CDH18: variants seen among roughly 807,000 people sequenced by gnomAD.
CDH18 encodes the protein cadherin-18.
Under a neutral mutation model 67.9 loss-of-function variants are expected in CDH18, and 31 were observed. That is an observed-to-expected ratio of 0.46 (90% CI 0.34 to 0.62). CDH18 has a LOEUF of 0.62. Ranked by LOEUF, CDH18 falls within the 20% of genes least tolerant of loss-of-function variation. The pLI is 0.01. For missense variants in CDH18, 890 were observed against 975.5 expected, an observed-to-expected ratio of 0.91 and a Z score of 1.17; for synonymous variants, 362 against 347.2, an observed-to-expected ratio of 1.04 and a Z score of -0.48.
chr5:20,215,306 T>C (rs1375992191), intron 2 of CDH18, among the ~76,000 whole-genome samples: 4 of 151,906 alleles, frequency 2.6e-5, no homozygotes, highest in Admixed American at 6.6e-5. Context: ...TTCAGGTATA[T>C]ATACAATAAA....
At chr5:20,356,506 A>C (rs188526067) in intron 1 of CDH18, among the ~76,000 whole-genome samples, 1 of 152,306 alleles carries the variant, frequency 6.6e-6, no homozygotes, top group Admixed American at 6.5e-5. Context: ...TTAGAAATTC[A>C]TCTGACTAGA....
At chr5:20,279,022 T>C (rs1746019227) in intron 1 of CDH18, among the ~76,000 whole-genome samples, 1 of 151,374 alleles carries the variant, frequency 6.6e-6, no homozygotes, top group Admixed American at 6.6e-5. Context: ...AGAAAACAAA[T>C]AACAAAATAG....
chr5:19,472,491 A>T lies in CDH18; in HGVS notation c.*735T>A, dbSNP rs539681065. ...CTTAAACTATTCTTTCTGTCCATTT[A>T]AAAATAGGAGTATCCCATTAAAATA... On this transcript the variant is annotated 3_prime_UTR_variant, in exon 13 of 13. Transcript: ENST00000382275. 4.6e-5 allele frequency among the ~76,000 whole-genome samples: 7 copies of T among 152,280 alleles called. No individual in the cohort carries two copies. The highest frequency in any genetic ancestry group is 1.4e-4 in the African/African-American group (6 of 41,570).
At chr5:19,713,907 A>G (rs905528429) in intron 5 of CDH18, among the ~76,000 whole-genome samples, 3 of 152,110 alleles carry the variant, frequency 2.0e-5, no homozygotes, top group African/African-American at 7.2e-5. Context: ...GAAAGTAATG[A>G]AAGTATTCTC....
intron 2 of CDH18, among the ~76,000 whole-genome samples, chr5:20,152,846 G>A (rs1477608757): frequency 3.3e-5 from 5 of 151,040 alleles, no homozygotes; most frequent in African/African-American, 7.3e-5. Flanking sequence ...ACGAAAAGTT[G>A]TTTACTGATC....
At chr5:19,911,544 C>T (rs767556347) in intron 2 of CDH18, among the ~76,000 whole-genome samples, 23 of 151,852 alleles carry the variant, frequency 1.5e-4, no homozygotes, top group Non-Finnish European at 3.1e-4. Context: ...GAGGTTATGA[C>T]GGTGATGTTC....
At chr5:20,006,776 A>C (rs893762637) in intron 2 of CDH18, among the ~76,000 whole-genome samples, 3 of 152,026 alleles carry the variant, frequency 2.0e-5, no homozygotes, top group Non-Finnish European at 4.4e-5. Flanking sequence ...TGTTTAATAC[A>C]TTAATTTTAT....
rs35296920 is a variant in CDH18, at chr5:19,841,571, C to CAA, written c.-256-2331_-256-2330dup. Among the ~76,000 whole-genome samples, 1,063 of 137,050 alleles carry CAA rather than the reference C, an allele frequency of 7.8e-3. 9 individuals are homozygous for CAA. The highest frequency in any genetic ancestry group is 0.011 in the East Asian group (53 of 4,658). The allele number at this position is 137,050 out of a possible 152,430, so 89.9% of individuals were successfully genotyped here. ...TTCTTAATTTTCAAATCATGAATTTCAAAAAAAAAAAAAGGAAACTTTATC... is the reference window on the plus strand; with the variant it reads ...TTCTTAATTTTCAAATCATGAATTTCAAAAAAAAAAAAAAAGGAAACTTTATC... On this transcript the variant is annotated intron_variant, in intron 2 of 12. Transcript: ENST00000382275.
intron 2 of CDH18, among the ~76,000 whole-genome samples, chr5:20,247,751 G>A (rs899197632): frequency 1.5e-5 from 2 of 137,504 alleles, no homozygotes; most frequent in Non-Finnish European, 1.6e-5. Flanking sequence ...CCAACTGAGC[G>A]AGACCATCAA....
intron 2 of CDH18, among the ~76,000 whole-genome samples, chr5:20,105,776 C>T (rs907848632): frequency 6.6e-6 from 1 of 152,142 alleles, no homozygotes; most frequent in Non-Finnish European, 1.5e-5. Flanking sequence ...GAATGACATT[C>T]CATTGTATGC....
intron 2 of CDH18, among the ~76,000 whole-genome samples, chr5:20,012,589 C>T (rs1737546637): frequency 6.6e-6 from 1 of 151,890 alleles, no homozygotes. Flanking sequence ...ACAAAGAGAA[C>T]TAAATACAAA....
In CDH18 at chr5:19,861,185, T is replaced by C. The variant is rs928095671; in HGVS notation, c.-256-21943A>G. Among the ~76,000 whole-genome samples the C allele has an allele frequency of 1.1e-3, 163 of 152,314 alleles. 1 individual carries two copies. The highest frequency in any genetic ancestry group is 2.1e-4 in the Non-Finnish European group (14 of 68,028). On this transcript the variant is annotated intron_variant, in intron 2 of 12. Coordinates refer to ENST00000382275, the MANE Select transcript of CDH18 (RefSeq NM_004934.5). ...CTGTACAAACTTGCATATTCAGTAG[T>C]AGTAATTGCCTCCCATTGGACAGAG... is the stretch of plus-strand genomic sequence containing the variant.
In CDH18 at chr5:19,768,329, G is replaced by C. The variant is rs535709046; in HGVS notation, c.229-21093C>G. ...AAAAAGCTTAAAAGGAAAAGCTAGGGAATTAGAGATTTATAAGGAAATTTC... is the reference window on the plus strand; with the variant it reads ...AAAAAGCTTAAAAGGAAAAGCTAGGCAATTAGAGATTTATAAGGAAATTTC... On this transcript the variant is annotated intron_variant, in intron 3 of 12. Transcript: ENST00000382275. 1.3e-3 allele frequency among the ~76,000 whole-genome samples: 201 copies of C among 152,208 alleles called. 1 individual carries two copies. Among genetic ancestry groups the C allele is most frequent in the Non-Finnish European group, 1.8e-3 (123 of 68,006 alleles).
chr5:20,360,554 C>T (rs1742007181), intron 1 of CDH18, among the ~76,000 whole-genome samples: 1 of 152,160 alleles, frequency 6.6e-6, no homozygotes, highest in Non-Finnish European at 1.5e-5. Context: ...TAAGACACAG[C>T]ATATAATGCC....
chr5:19,654,644 C>T (rs561321789), intron 5 of CDH18, among the ~76,000 whole-genome samples: 1 of 152,286 alleles, frequency 6.6e-6, no homozygotes, highest in South Asian at 2.1e-4. Flanking sequence ...AGCTTTGCTG[C>T]TCACTGATGG....
At chr5:20,305,386 T>G in intron 1 of CDH18, 1 of 1,550,196 alleles carries the variant, frequency 6.5e-7, no homozygotes. Flanking sequence ...TGTTCCCACC[T>G]CTTCAGCTTC....
chr5:20,326,280 A>G, intron 1 of CDH18, among the ~76,000 whole-genome samples: 1 of 152,168 alleles, frequency 6.6e-6, no homozygotes, highest in Non-Finnish European at 1.5e-5. Flanking sequence ...AATCCCTGGT[A>G]TAGGTGATTA....
intron 2 of CDH18, among the ~76,000 whole-genome samples, chr5:20,105,523 T>C (rs1041347351): frequency 2.6e-4 from 39 of 152,264 alleles, no homozygotes; most frequent in Admixed American, 7.8e-4. Flanking sequence ...ATTACCACCA[T>C]CTATCTAGAA....
At chr5:20,522,090 G>T (rs887723541) in intron 1 of CDH18, among the ~76,000 whole-genome samples, 3 of 152,006 alleles carry the variant, frequency 2.0e-5, no homozygotes, top group African/African-American at 7.2e-5. Context: ...AGAAAATTTG[G>T]CCATACAGAG....
Sources: allele counts gnomAD v4.1 joint callset (sites outside exome capture counted in the v4.1 genomes callset), GRCh38; gene constraint gnomAD v4.1.1; transcripts MANE v1.5; gene names NCBI Gene and HGNC (gene_info 2026-07-23, HGNC 2026-07-21).